The following SMAD1 variants were observed in gnomAD, a reference collection of about 807,000 sequenced individuals.
SMAD1 encodes the protein SMAD family member 1, also known as MAD, mothers against decapentaplegic homolog 1.
Under a neutral mutation model 41.6 loss-of-function variants are expected in SMAD1, and 6 were observed. The observed-to-expected ratio is 0.14, with a 90% CI of 0.08 to 0.28. The LOEUF is 0.28. SMAD1 is among the 10% of genes least tolerant of loss of function. The probability of loss-of-function intolerance (pLI) is 1.00; values close to 1 mark genes in which losing one functional copy is unlikely to be tolerated. For missense variants in SMAD1, 379 were observed against 582.6 expected (o/e 0.65, Z 3.60); for synonymous variants, 206 against 203.2 (o/e 1.01, Z -0.12).
At chr4:145,498,384 A>T (rs933847887) in intron 1 of SMAD1, among the ~76,000 whole-genome samples, 4 of 152,186 alleles carry the variant, frequency 2.6e-5, no homozygotes, top group Non-Finnish European at 4.4e-5. Flanking sequence ...TCCTATGCAG[A>T]TACACTTTCA....
chr4:145,486,086 C>A (rs879686763), intron 1 of SMAD1, among the ~76,000 whole-genome samples: 2 of 152,144 alleles, frequency 1.3e-5, no homozygotes, highest in East Asian at 1.9e-4. Flanking sequence ...CTTTACTATG[C>A]CAGTATAGAC....
chr4:145,544,827 GA>G (rs1732155915), intron 4 of SMAD1: 1 of 152,132 alleles, frequency 6.6e-6, no homozygotes, highest in South Asian at 2.1e-4. Context: ...TATATTTGGG[GA>G]CCAGGATACC....
chr4:145,542,229 G>T (rs1187330994), intron 3 of SMAD1, among the ~76,000 whole-genome samples: 1 of 152,226 alleles, frequency 6.6e-6, no homozygotes, highest in Non-Finnish European at 1.5e-5. Context: ...ATCTATCAGT[G>T]AAACTGAAAT....
rs115275975 is a variant in SMAD1 at position 145,486,912 on chromosome 4, G to A, written c.-177+4874G>A. On this transcript the variant is annotated intron_variant, in intron 1 of 6. Transcript: ENST00000302085. ...TTCAGGTTTTTTTTCTCCCTACCAC[G>A]CTCACGATATTTCTGAGGCTTTGGT... Among the ~76,000 whole-genome samples the A allele has an allele frequency of 4.6e-3, 694 of 152,036 alleles. 3 individuals carry two copies. The highest frequency in any genetic ancestry group is 0.016 in the African/African-American group (648 of 41,466).
At chr4:145,543,334 G>A (rs1332170477) in intron 4 of SMAD1, among the ~76,000 whole-genome samples, 1 of 152,162 alleles carries the variant, frequency 6.6e-6, no homozygotes, top group African/African-American at 2.4e-5. Flanking sequence ...CTGAAGTAGA[G>A]TTTTCACTGG....
chr4:145,511,034 G>A (rs948770520), intron 1 of SMAD1, among the ~76,000 whole-genome samples: 2 of 152,034 alleles, frequency 1.3e-5, no homozygotes, highest in East Asian at 3.9e-4. Flanking sequence ...CTTTTTGGGT[G>A]GAATATGCAT....
chr4:145,552,389 T>G (rs1473173075), intron 5 of SMAD1, among the ~76,000 whole-genome samples: 3 of 152,200 alleles, frequency 2.0e-5, no homozygotes, highest in Non-Finnish European at 4.4e-5. Context: ...ACAAGGTGGA[T>G]CATTTAAACC....
intron 2 of SMAD1, among the ~76,000 whole-genome samples, chr4:145,534,549 G>C (rs1731505818): frequency 6.6e-6 from 1 of 152,174 alleles, no homozygotes; most frequent in Admixed American, 6.5e-5. Flanking sequence ...AATTAAAACA[G>C]AGTGGTACTG....
chr4:145,487,406 A>G (rs1290041600), intron 1 of SMAD1, among the ~76,000 whole-genome samples: 2 of 152,178 alleles, frequency 1.3e-5, no homozygotes, highest in East Asian at 3.9e-4. Flanking sequence ...GGTTGATGAA[A>G]TGTTCTGCTA....
chr4:145,523,443 C>A (rs1307422740), intron 2 of SMAD1, among the ~76,000 whole-genome samples: 2 of 151,800 alleles, frequency 1.3e-5, no homozygotes, highest in Non-Finnish European at 2.9e-5. Flanking sequence ...TTTGGACATA[C>A]AATAAAATAG....
At chr4:145,501,626 G>A (rs1001686227) in intron 1 of SMAD1, among the ~76,000 whole-genome samples, 1 of 148,626 alleles carries the variant, frequency 6.7e-6, no homozygotes, top group African/African-American at 2.6e-5. Flanking sequence ...ATGAAATACA[G>A]CAGGATTTTT....
At position 145,558,006 on chromosome 4, in the gene SMAD1, C is replaced by T. The variant is rs1732942917; in HGVS notation, c.*72C>T. 6 of 1,139,642 alleles carry T rather than the reference C, an allele frequency of 5.3e-6. No homozygotes were observed. Among genetic ancestry groups the T allele is most frequent in the South Asian group, 2.4e-5 (1 of 41,252 alleles). 70.6% of individuals were successfully genotyped at this position (1,139,642 alleles called of 1,614,324 possible). ...ACTTGAAGGATGGATGAGTCAGACA[C>T]GATTGAGAACTGACAAAGGAGCCTT... On this transcript the variant is annotated 3_prime_UTR_variant, in exon 7 of 7. Coordinates refer to ENST00000302085, the MANE Select transcript of SMAD1 (RefSeq NM_005900.3).
At chr4:145,542,957 A>G (rs1425497892) in intron 4 of SMAD1, among the ~76,000 whole-genome samples, 1 of 152,078 alleles carries the variant, frequency 6.6e-6, no homozygotes, top group Non-Finnish European at 1.5e-5. Context: ...AATAATTTTT[A>G]ACTGATGATG....
Sources: gnomAD v4.1 joint callset for allele counts (sites outside exome capture counted in the v4.1 genomes callset) on GRCh38, gnomAD v4.1.1 for gene constraint, MANE v1.5 for transcripts, NCBI Gene and HGNC (gene_info 2026-07-23, HGNC 2026-07-21) for gene names.